Variants in SPON1 observed in about 807,000 individuals in gnomAD.
SPON1 encodes the protein spondin 1.
SPON1 carries 52 observed loss-of-function variants against 111.7 expected under a neutral mutation model. The ratio of observed to expected loss-of-function variants is 0.47; its 90% confidence interval spans 0.37 to 0.59. SPON1 has a LOEUF of 0.59. Ranked by LOEUF, SPON1 falls within the 20% of genes least tolerant of loss-of-function variation. SPON1 has a pLI of 0.00. For synonymous variants in SPON1, 410 were observed against 395.8 expected, an observed-to-expected ratio of 1.04 and a Z score of -0.43; for missense variants, 957 against 1,068.5, an observed-to-expected ratio of 0.90 and a Z score of 1.46.
intron 3 of SPON1, among the ~76,000 whole-genome samples, chr11:14,048,498 C>T (rs1554918099): frequency 6.6e-6 from 1 of 152,158 alleles, no homozygotes; most frequent in African/African-American, 2.4e-5. Context: ...AAGGAAAATA[C>T]ATAGCAATTA....
At chr11:14,074,099 T>C (rs1554921167) in intron 3 of SPON1, among the ~76,000 whole-genome samples, 1 of 152,232 alleles carries the variant, frequency 6.6e-6, no homozygotes, top group East Asian at 1.9e-4. Context: ...AAGACTGTTA[T>C]TCTCTTGGCC....
chr11:14,188,347 A>G (rs1023895895), intron 6 of SPON1, among the ~76,000 whole-genome samples: 24 of 152,322 alleles, frequency 1.6e-4, no homozygotes, highest in Admixed American at 6.5e-4. Flanking sequence ...GACACAGTCC[A>G]GGACTATCCT....
chr11:14,169,182 A>G (rs1387438737), intron 6 of SPON1, among the ~76,000 whole-genome samples: 3 of 152,146 alleles, frequency 2.0e-5, no homozygotes, highest in Non-Finnish European at 2.9e-5. Context: ...TGACTTTTTA[A>G]TGATTGCCAT....
chr11:13,971,159 A>G (rs1280506759), intron 1 of SPON1, among the ~76,000 whole-genome samples: 1 of 152,180 alleles, frequency 6.6e-6, no homozygotes, highest in Non-Finnish European at 1.5e-5. Flanking sequence ...GGCAGCAGAG[A>G]GAAAGGATGC....
chr11:13,998,564 C>T (rs1437515553), intron 2 of SPON1, among the ~76,000 whole-genome samples: 2 of 152,208 alleles, frequency 1.3e-5, no homozygotes, highest in African/African-American at 2.4e-5. Context: ...TAGTTCTTCG[C>T]TCACTGTGTT....
intron 6 of SPON1, among the ~76,000 whole-genome samples, chr11:14,193,569 C>T (rs1564928227): frequency 6.6e-6 from 1 of 152,152 alleles, no homozygotes; most frequent in Non-Finnish European, 1.5e-5. Flanking sequence ...TTTAAGTGAA[C>T]TCACATTCAA....
At chr11:14,256,000 C>T (rs1353088678) in intron 9 of SPON1, among the ~76,000 whole-genome samples, 1 of 152,116 alleles carries the variant, frequency 6.6e-6, no homozygotes, top group East Asian at 1.9e-4. Context: ...TAATCCCAGC[C>T]CTTTGGGAGT....
intron 2 of SPON1, among the ~76,000 whole-genome samples, chr11:14,037,887 A>T (rs1848605942): frequency 6.6e-6 from 1 of 152,216 alleles, no homozygotes; most frequent in Admixed American, 6.5e-5. Flanking sequence ...ACTCAACATT[A>T]AGGGCCAGGC....
chr11:14,159,916 G>A (rs1490894418), intron 6 of SPON1, among the ~76,000 whole-genome samples: 1 of 141,922 alleles, frequency 7.0e-6, no homozygotes, highest in East Asian at 2.4e-4. Context: ...GAGGTGGGGG[G>A]GATGGGGATG....
chr11:14,069,681 G>C (rs1386172710), intron 3 of SPON1, among the ~76,000 whole-genome samples: 2 of 152,096 alleles, frequency 1.3e-5, no homozygotes, highest in African/African-American at 4.8e-5. Flanking sequence ...GGCACAAAAT[G>C]AGTGTTCAGC....
chr11:14,058,146 C>A lies in SPON1; in HGVS notation c.479+16492C>A, dbSNP rs530831415. Among the ~76,000 whole-genome samples, 6 of 151,924 alleles carry A rather than the reference C, an allele frequency of 3.9e-5. No individual in the cohort carries two copies. The East Asian group carries it at 1.2e-3, about 29-fold the overall frequency. ...GCTTTTTTCTCTCAGAAGGTTGGGC[C>A]AAGATTTTGATGAGAAGACACTGGG... On this transcript the variant is annotated intron_variant, in intron 3 of 15. Coordinates refer to ENST00000576479, the MANE Select transcript of SPON1 (RefSeq NM_006108.4).
chr11:14,233,758 C>CTTTTTTTTTT (rs10610600), intron 6 of SPON1, among the ~76,000 whole-genome samples: 3 of 96,846 alleles, frequency 3.1e-5, no homozygotes, highest in African/African-American at 8.1e-5. Context: ...GTTTCTTTTT[C>CTTTTTTTTTT]TTTTTTTTTT....
At chr11:14,213,051 A>G (rs1247367167) in intron 6 of SPON1, among the ~76,000 whole-genome samples, 2 of 152,208 alleles carry the variant, frequency 1.3e-5, no homozygotes, top group Non-Finnish European at 2.9e-5. Flanking sequence ...AGAGTGGGAA[A>G]TTGACCAGGC....
chr11:14,090,824 G>GCCACCCCCCCCCCCCCCC (rs1849046497), intron 5 of SPON1, among the ~76,000 whole-genome samples: 3 of 45,578 alleles, frequency 6.6e-5, no homozygotes, highest in East Asian at 2.4e-3. Context: ...CTCTTATCTG[G>GCCACCCCCCCCCCCCCCC]CCCCCCCCCC....
chr11:14,172,524 A>G (rs1476444903), intron 6 of SPON1, among the ~76,000 whole-genome samples: 2 of 151,784 alleles, frequency 1.3e-5, no homozygotes, highest in Non-Finnish European at 2.9e-5. Flanking sequence ...TGTGAATTTG[A>G]TCCTGTCATT....
intron 5 of SPON1, among the ~76,000 whole-genome samples, chr11:14,121,399 G>A (rs1421035193): frequency 6.6e-6 from 1 of 152,192 alleles, no homozygotes; most frequent in Non-Finnish European, 1.5e-5. Flanking sequence ...TGGGAATAGA[G>A]GGGAACAAAC....
Position 14,010,790 on chromosome 11 carries a change from C to G in SPON1, c.345+27837C>G, listed in dbSNP as rs1479151629. 3.3e-5 allele frequency among the ~76,000 whole-genome samples: 5 copies of G among 152,356 alleles called. No individual in the cohort carries two copies. In the East Asian group the frequency reaches 7.7e-4, roughly 23 times the overall value. ...GTTGGACTCATATCCTAGGCCAATG[C>G]TCTTTCCACCAAACCACACTATTTC... On this transcript the variant is annotated intron_variant, in intron 2 of 15. Coordinates refer to ENST00000576479, the MANE Select transcript of SPON1 (RefSeq NM_006108.4).
chr11:14,249,088 CTTTTAT>C (rs1849025154), intron 7 of SPON1, among the ~76,000 whole-genome samples: 1 of 152,178 alleles, frequency 6.6e-6, no homozygotes, highest in South Asian at 2.1e-4. Context: ...TTACAAATAA[CTTTTAT>C]TTCCTTCCTT....
At chr11:14,112,431 T>C (rs1480799862) in intron 5 of SPON1, among the ~76,000 whole-genome samples, 1 of 152,198 alleles carries the variant, frequency 6.6e-6, no homozygotes, top group Admixed American at 6.5e-5. Context: ...CCTCCACCAC[T>C]TATTACCTGC....
Sources: allele counts gnomAD v4.1 joint callset (sites outside exome capture counted in the v4.1 genomes callset), GRCh38; gene constraint gnomAD v4.1.1; transcripts MANE v1.5; gene names NCBI Gene and HGNC (gene_info 2026-07-23, HGNC 2026-07-21).